ZNF140: variants seen among roughly 807,000 people sequenced by gnomAD.
The protein encoded by ZNF140 is zinc finger protein 140 (clone pHZ-39).
In ZNF140, 13 loss-of-function variants were observed where a neutral mutation model predicts 12.9. That is an observed-to-expected ratio of 1.01 (90% CI 0.66 to 1.60). ZNF140 has a LOEUF of 1.60. Ranked by LOEUF, ZNF140 falls within the 40% of genes most tolerant of loss-of-function variation. The pLI is 0.00. For missense variants in ZNF140, 531 were observed against 548.8 expected (o/e 0.97, Z 0.32); for synonymous variants, 214 against 186.7 (o/e 1.15, Z -1.19).
At chr12:133,100,840 C>T (rs1301679333) in intron 4 of ZNF140, 10 of 262,026 alleles carry the variant, frequency 3.8e-5, no homozygotes, top group African/African-American at 1.3e-4. Flanking sequence ...GGGTAGCATT[C>T]GCAGCATAGA....
At chr12:133,101,182 G>T in intron 4 of ZNF140, 2 of 241,972 alleles carry the variant, frequency 8.3e-6, no homozygotes, top group Admixed American at 5.2e-5. Context: ...TGTTCTCTGT[G>T]TTTCCTCCAT....
Position 133,106,500 on chromosome 12 carries a change from C to G in ZNF140, c.1223C>G (p.Thr408Ser), listed in dbSNP as rs1437933391. 1 of 1,614,084 alleles carries G rather than the reference C, an allele frequency of 6.2e-7. No individual in the cohort carries two copies. Among genetic ancestry groups the G allele is most frequent in the East Asian group, 2.2e-5 (1 of 44,878 alleles). Reference protein sequence around the residue: ...FSLILHQRTHTGEKPYVCKVC... With the variant: ...FSLILHQRTHSGEKPYVCKVC... Reference sequence around the variant, plus strand: ...CTCATTCTACATCAGAGAACTCATACTGGAGAGAAACCCTATGTATGTAAG... The same window carrying G: ...CTCATTCTACATCAGAGAACTCATAGTGGAGAGAAACCCTATGTATGTAAG... The change falls in exon 5 of 5, where the codon ACT becomes AGT. Residue 408 changes from threonine to serine, a missense_variant. Transcript: ENST00000355557.
intron 4 of ZNF140, chr12:133,093,533 A>G: frequency 1.4e-6 from 1 of 693,616 alleles, no homozygotes; most frequent in East Asian, 2.7e-5. Flanking sequence ...AAGCTGATTT[A>G]TTTTCTGGTT....
At chr12:133,083,671 A>G in intron 4 of ZNF140, 110 bp downstream of exon 4, 1 of 1,043,720 alleles carries the variant, frequency 9.6e-7, no homozygotes, top group South Asian at 1.6e-5. Context: ...TAAAGATACT[A>G]GAGATACGCT....
chr12:133,105,297 G>A lies in ZNF140; in HGVS notation c.233-213G>A, dbSNP rs1479878432. ...TTTCCCTGCTCTTTCAATTACTTAC[G>A]TTTACACTTTCTCTTTATTTACCTA... is the stretch of plus-strand genomic sequence containing the variant. On this transcript the variant is annotated intron_variant, in intron 4 of 4. Transcript: ENST00000355557. Among the ~76,000 whole-genome samples the A allele has an allele frequency of 2.0e-5, 3 of 152,074 alleles. No individual in the cohort carries two copies. In the East Asian group the frequency reaches 5.8e-4, roughly 29 times the overall value.
At chr12:133,087,029 A>C (rs1954698665) in intron 4 of ZNF140, among the ~76,000 whole-genome samples, 1 of 142,674 alleles carries the variant, frequency 7.0e-6, no homozygotes, top group South Asian at 2.1e-4. Flanking sequence ...TTAACATTTT[A>C]TTGTATTTGT....
chr12:133,097,819 ATGTGTGTG>A (rs71079166), intron 4 of ZNF140, among the ~76,000 whole-genome samples: 5 of 143,158 alleles, frequency 3.5e-5, no homozygotes, highest in Admixed American at 2.1e-4. Flanking sequence ...ACATCTAACC[ATGTGTGTG>A]TGTGTGTGTG....
At chr12:133,080,789 G>C (rs902976899), upstream of ZNF140, 1 of 152,388 alleles carries the variant, frequency 6.6e-6, no homozygotes, top group Non-Finnish European at 1.5e-5. Flanking sequence ...AAGCCCTTGC[G>C]CGCAGGGCCG....
chr12:133,081,647 C>T (rs1047988488), intron 2 of ZNF140: 269 of 448,094 alleles, frequency 6.0e-4, no homozygotes, highest in Middle Eastern at 6.0e-3. Flanking sequence ...AAGAGAGTGA[C>T]AGGAAGCTAT....
chr12:133,084,443 A>G (rs1954606900), intron 4 of ZNF140, among the ~76,000 whole-genome samples: 2 of 152,344 alleles, frequency 1.3e-5, no homozygotes, highest in Non-Finnish European at 1.5e-5. Flanking sequence ...TGTAATAACT[A>G]TCAAGGAATT....
chr12:133,085,010 G>A (rs1372524133), intron 4 of ZNF140, among the ~76,000 whole-genome samples: 1 of 151,908 alleles, frequency 6.6e-6, no homozygotes, highest in Non-Finnish European at 1.5e-5. Flanking sequence ...CATGGAAGTT[G>A]CCTCTAATTC....
At chr12:133,095,671 G>A (rs1955057845) in intron 4 of ZNF140, among the ~76,000 whole-genome samples, 1 of 151,758 alleles carries the variant, frequency 6.6e-6, no homozygotes, top group South Asian at 2.1e-4. Flanking sequence ...CATTATTTCA[G>A]CAAAAAGGAA....
At position 133,105,706 on chromosome 12, in the gene ZNF140, T is replaced by C; in HGVS notation, c.429T>C (p.Ser143=). 6.2e-7 allele frequency: 1 copy of C among 1,614,186 alleles called. No homozygotes were observed. Among genetic ancestry groups the C allele is most frequent in the East Asian group, 2.2e-5 (1 of 44,874 alleles). Residue 143 remains serine (S), a synonymous_variant, in exon 5 of 5, where the codon TCT becomes TCC. Coordinates refer to ENST00000355557, the MANE Select transcript of ZNF140 (RefSeq NM_003440.4). ...NQGCIRKVTV[S]HQEALAQHMN... ...GATGTATTAGGAAAGTAACAGTCTCTCATCAAGAAGCCCTGGCTCAACATA... is the reference window on the plus strand; with the variant it reads ...GATGTATTAGGAAAGTAACAGTCTCCCATCAAGAAGCCCTGGCTCAACATA...
At chr12:133,092,604 C>T (rs1954930388) in intron 4 of ZNF140, among the ~76,000 whole-genome samples, 1 of 151,284 alleles carries the variant, frequency 6.6e-6, no homozygotes, top group African/African-American at 2.4e-5. Context: ...TCAGGACCAA[C>T]AACAGGACTA....
intron 4 of ZNF140, chr12:133,084,029 C>G: frequency 3.0e-6 from 1 of 328,374 alleles, no homozygotes; most frequent in East Asian, 9.5e-5. Context: ...AACACTACTT[C>G]ATACCCAATT....
chr12:133,102,271 A>T (rs897996424), intron 4 of ZNF140, among the ~76,000 whole-genome samples: 2 of 152,154 alleles, frequency 1.3e-5, no homozygotes, highest in Non-Finnish European at 2.9e-5. Context: ...GGAAACTGCA[A>T]GTCTCCCTGT....
At chr12:133,086,331 G>T (rs1954675809) in intron 4 of ZNF140, among the ~76,000 whole-genome samples, 1 of 152,318 alleles carries the variant, frequency 6.6e-6, no homozygotes, top group South Asian at 2.1e-4. Flanking sequence ...ATAAGTGAAT[G>T]CCTGTTGGGC....
At chr12:133,099,167 GC>G (rs1955241864) in intron 4 of ZNF140, among the ~76,000 whole-genome samples, 1 of 147,740 alleles carries the variant, frequency 6.8e-6, no homozygotes, top group Non-Finnish European at 1.5e-5. Context: ...GAGCCAACGT[GC>G]CCAGCCTTGT....
At chr12:133,084,250 T>C (rs1954600215) in intron 4 of ZNF140, 1 of 380,232 alleles carries the variant, frequency 2.6e-6, no homozygotes, top group Admixed American at 4.1e-5. Context: ...AAAAAAAAAT[T>C]AAAAGTACAT....
Sources: gnomAD v4.1 joint callset for allele counts (sites outside exome capture counted in the v4.1 genomes callset) on GRCh38, gnomAD v4.1.1 for gene constraint, MANE v1.5 for transcripts, NCBI Gene and HGNC (gene_info 2026-07-23, HGNC 2026-07-21) for gene names.